FER: variants seen among roughly 807,000 people sequenced by gnomAD.
FER encodes the protein tyrosine-protein kinase Fer.
Under a neutral mutation model 111.0 loss-of-function variants are expected in FER, and 63 were observed. That is an observed-to-expected ratio of 0.57 (90% CI 0.46 to 0.70). The LOEUF is 0.70. Ranked by LOEUF, FER falls within the 30% of genes least tolerant of loss-of-function variation. FER has a pLI of 0.00. For synonymous variants in FER, 327 were observed against 313.9 expected (o/e 1.04, Z -0.44); for missense variants, 914 against 954.0 (o/e 0.96, Z 0.55).
chr5:109,121,048 A>T (rs1750902287), intron 17 of FER, among the ~76,000 whole-genome samples: 1 of 152,058 alleles, frequency 6.6e-6, no homozygotes, highest in Non-Finnish European at 1.5e-5. Context: ...ACACAAGGAT[A>T]ATTTGACTTT....
Position 108,897,830 on chromosome 5 carries a change from A to G in FER, c.1218A>G (p.Ala406=). 6.2e-7 allele frequency: 1 copy of G among 1,611,954 alleles called. No individual in the cohort carries two copies. The highest frequency in any genetic ancestry group is 8.5e-7 in the Non-Finnish European group (1 of 1,179,192). The change falls in exon 10 of 20, where the codon GCA becomes GCG. Residue 406 remains alanine (A), a synonymous_variant. Transcript: ENST00000281092. ...CAGTAGTAAATTATGAAGAAGATGC[A>G]CGATCAGTTACATCTATGGTAAGCT... ...PPPVVNYEED[A]RSVTSMERKE...
chr5:108,806,206 G>T (rs908681849), intron 3 of FER, among the ~76,000 whole-genome samples: 3 of 152,202 alleles, frequency 2.0e-5, no homozygotes, highest in Non-Finnish European at 4.4e-5. Context: ...CTTCCACGTG[G>T]TGTTGAGCCT....
rs900546768 is a variant in FER, at chr5:109,189,842, A to G, written c.*2267A>G. 1 of 152,200 alleles carries G rather than the reference A, an allele frequency of 6.6e-6. No individual in the cohort carries two copies. The highest frequency in any genetic ancestry group is 1.5e-5 in the Non-Finnish European group (1 of 68,032). 9.4% of individuals were successfully genotyped at this position (152,200 alleles called of 1,614,324 possible). ...TTCTGGTGTTAAGAATGAACACAGC[A>G]TTGATATTTCACTTATCCAGGCTGT... On this transcript the variant is annotated 3_prime_UTR_variant, in exon 20 of 20. Transcript: ENST00000281092.
In FER at chr5:108,972,365, T is replaced by G. The variant is rs73778356; in HGVS notation, c.1656+13018T>G. 7.5e-3 allele frequency among the ~76,000 whole-genome samples: 1,141 copies of G among 152,208 alleles called. 16 individuals are homozygous for G. Among genetic ancestry groups the G allele is most frequent in the African/African-American group, 0.026 (1,064 of 41,538 alleles). On this transcript the variant is annotated intron_variant, in intron 13 of 19. Coordinates refer to ENST00000281092, the MANE Select transcript of FER (RefSeq NM_005246.4). ...CTTATTCTTAGTAGTCTCCTCCCTCTGTCCCTACCTGCAGCTCACATACAC... is the reference window on the plus strand; with the variant it reads ...CTTATTCTTAGTAGTCTCCTCCCTCGGTCCCTACCTGCAGCTCACATACAC...
intron 13 of FER, among the ~76,000 whole-genome samples, chr5:109,024,347 A>G (rs895215531): frequency 1.3e-5 from 2 of 152,188 alleles, no homozygotes; most frequent in Non-Finnish European, 2.9e-5. Flanking sequence ...TGAAGCCTGG[A>G]CAAGGTTCAC....
chr5:108,927,216 C>CCCATATCCCATG (rs1360057729), intron 10 of FER, among the ~76,000 whole-genome samples: 1 of 151,454 alleles, frequency 6.6e-6, no homozygotes, highest in African/African-American at 2.4e-5. Flanking sequence ...TGCTCATTCT[C>CCCATATCCCATG]CCATATCCCA....
chr5:109,051,963 A>C lies in FER; in HGVS notation c.1924+4765A>C, dbSNP rs185511838. 1.3e-6 allele frequency: 2 copies of C among 1,590,110 alleles called. 1 individual carries two copies. Among genetic ancestry groups the C allele is most frequent in the East Asian group, 4.5e-5 (2 of 44,750 alleles). ...ACCACTGGATCAGCAAGGTCACCTC[A>C]AAGATAGACTTGAAGAGGATACTGA... On this transcript the variant is annotated intron_variant, in intron 16 of 19. Coordinates refer to ENST00000281092, the MANE Select transcript of FER (RefSeq NM_005246.4).
intron 16 of FER, among the ~76,000 whole-genome samples, chr5:109,066,357 A>G (rs1407859520): frequency 1.3e-5 from 2 of 152,134 alleles, no homozygotes; most frequent in African/African-American, 4.8e-5. Context: ...TTGTTTTACA[A>G]TTTTTTACAT....
chr5:109,051,768 A>G, intron 16 of FER: 1 of 1,577,888 alleles, frequency 6.3e-7, no homozygotes, highest in Non-Finnish European at 8.7e-7. Flanking sequence ...CCTTGAAGAA[A>G]ACGTAGAAGA....
At chr5:108,757,742 C>G (rs543665926) in intron 1 of FER, among the ~76,000 whole-genome samples, 1 of 152,296 alleles carries the variant, frequency 6.6e-6, no homozygotes, top group African/African-American at 2.4e-5. Flanking sequence ...CTACTACTTT[C>G]TAGAAGTTAA....
At chr5:108,751,342 A>G (rs188648510) in intron 1 of FER, among the ~76,000 whole-genome samples, 6,841 of 97,138 alleles carry the variant, frequency 0.07, 220 homozygotes, top group South Asian at 0.15. Context: ...CTAAAACTAT[A>G]CTAACTTAAT....
rs1450081985 is a variant in FER, at chr5:109,186,088, T to C, written c.2204-112T>C. 13 of 1,458,302 alleles carry C rather than the reference T, an allele frequency of 8.9e-6. No homozygotes were observed. The Admixed American group carries it at 1.5e-4, about 17-fold the overall frequency. The allele number at this position is 1,458,302 out of a possible 1,614,324, so 90.3% of individuals were successfully genotyped here. ...CCACTGTCATATATGTGCTCCATCA[T>C]TGACCAAACATCATTATGTGGTGCA... On this transcript the variant is annotated intron_variant, in intron 18 of 19. Transcript: ENST00000281092.
At chr5:109,099,536 G>A (rs79484706) in intron 16 of FER, among the ~76,000 whole-genome samples, 6,727 of 151,404 alleles carry the variant, frequency 0.044, 179 homozygotes, top group South Asian at 0.084. Context: ...TATCATAAAT[G>A]TAGAGTAAAT....
At chr5:108,893,551 C>G (rs1748529808) in intron 9 of FER, among the ~76,000 whole-genome samples, 1 of 152,026 alleles carries the variant, frequency 6.6e-6, no homozygotes, top group Non-Finnish European at 1.5e-5. Context: ...GCCAAAATGT[C>G]TCTCAGAAGC....
At chr5:109,049,793 T>C (rs1772515969) in intron 16 of FER, among the ~76,000 whole-genome samples, 1 of 152,236 alleles carries the variant, frequency 6.6e-6, no homozygotes, top group Non-Finnish European at 1.5e-5. Context: ...TCGTCTGTGA[T>C]GAGTTTTAAA....
At chr5:108,937,885 T>C (rs755658021) in intron 10 of FER, among the ~76,000 whole-genome samples, 2 of 151,644 alleles carry the variant, frequency 1.3e-5, no homozygotes, top group African/African-American at 2.4e-5. Context: ...TATAACTCTT[T>C]TAGGAATTTT....
intron 16 of FER, among the ~76,000 whole-genome samples, chr5:109,053,721 C>T (rs1357300177): frequency 8.6e-6 from 1 of 116,576 alleles, no homozygotes; most frequent in Non-Finnish European, 1.7e-5. Flanking sequence ...GAGACGGAAT[C>T]TCGCTCTCGC....
At chr5:109,023,942 A>T (rs1250926557) in intron 13 of FER, among the ~76,000 whole-genome samples, 29 of 152,162 alleles carry the variant, frequency 1.9e-4, no homozygotes. Flanking sequence ...ATGTTTATTA[A>T]GCACTTATTA....
chr5:109,101,383 G>C (rs904114310), intron 17 of FER, among the ~76,000 whole-genome samples: 3 of 151,950 alleles, frequency 2.0e-5, no homozygotes, highest in Non-Finnish European at 4.4e-5. Flanking sequence ...TTTCTCTGAG[G>C]GGAATCATTG....
Sources: gnomAD v4.1 joint callset for allele counts (sites outside exome capture counted in the v4.1 genomes callset) on GRCh38, gnomAD v4.1.1 for gene constraint, MANE v1.5 for transcripts, NCBI Gene and HGNC (gene_info 2026-07-23, HGNC 2026-07-21) for gene names.